Variants in PCDH7 observed in about 807,000 individuals in gnomAD.
PCDH7 encodes the protein protocadherin-7.
In PCDH7, 17 loss-of-function variants were observed where a neutral mutation model predicts 58.9. The observed-to-expected ratio is 0.29, with a 90% CI of 0.20 to 0.43. The LOEUF (loss-of-function observed/expected upper bound fraction) is 0.43, where lower values mean the gene tolerates loss of function less well. PCDH7 is among the 20% of genes least tolerant of loss of function. The pLI, the probability that PCDH7 is intolerant of heterozygous loss-of-function variation, is 1.00. For synonymous variants in PCDH7, 664 were observed against 616.4 expected (o/e 1.08, Z -1.14); for missense variants, 1,274 against 1,441.0 (o/e 0.88, Z 1.88).
chr4:30,780,592 T>C (rs1164597800), intron 1 of PCDH7, among the ~76,000 whole-genome samples: 4 of 151,876 alleles, frequency 2.6e-5, no homozygotes, highest in Non-Finnish European at 4.4e-5. Flanking sequence ...AAGAGAAAGA[T>C]GATTTAACAT....
chr4:31,025,918 TA>T (rs1560584764), intron 3 of PCDH7, among the ~76,000 whole-genome samples: 1 of 152,336 alleles, frequency 6.6e-6, no homozygotes, highest in South Asian at 2.1e-4. Context: ...ACATACAGAC[TA>T]AAAAAGTAAC....
At chr4:31,048,263 T>C (rs1433568674) in intron 3 of PCDH7, among the ~76,000 whole-genome samples, 1 of 152,084 alleles carries the variant, frequency 6.6e-6, no homozygotes, top group Non-Finnish European at 1.5e-5. Flanking sequence ...GAGATGTTTC[T>C]GGATTTCTTT....
intron 3 of PCDH7, among the ~76,000 whole-genome samples, chr4:31,118,426 C>G (rs995269868): frequency 6.6e-6 from 1 of 151,984 alleles, no homozygotes; most frequent in Non-Finnish European, 1.5e-5. Flanking sequence ...AAAATATATG[C>G]CTCTGCCTAG....
intron 3 of PCDH7, among the ~76,000 whole-genome samples, chr4:31,011,782 A>C (rs1035594093): frequency 6.6e-6 from 1 of 152,084 alleles, no homozygotes; most frequent in South Asian, 2.1e-4. Context: ...GTTTGGGGCT[A>C]TACTAAAGGA....
intron 3 of PCDH7, among the ~76,000 whole-genome samples, chr4:31,129,230 A>G (rs1435442089): frequency 1.3e-5 from 2 of 152,330 alleles, no homozygotes; most frequent in African/African-American, 4.8e-5. Context: ...AGTGCCAGAC[A>G]TTAAGTGCTA....
chr4:30,908,098 C>A (rs4586889), intron 1 of PCDH7, among the ~76,000 whole-genome samples: 4,891 of 151,856 alleles, frequency 0.032, 108 homozygotes, highest in Middle Eastern at 0.065. Flanking sequence ...AGGGCCGGTT[C>A]GGGGGTGAGG....
intron 1 of PCDH7, among the ~76,000 whole-genome samples, chr4:30,758,671 G>A (rs1243147016): frequency 1.8e-4 from 27 of 152,138 alleles, no homozygotes; most frequent in African/African-American, 4.8e-5. Flanking sequence ...TGCCTGCATC[G>A]GTGGACAGGA....
intron 1 of PCDH7, among the ~76,000 whole-genome samples, chr4:30,787,412 C>T (rs977919822): frequency 6.6e-6 from 1 of 151,988 alleles, no homozygotes; most frequent in African/African-American, 2.4e-5. Flanking sequence ...AAGTGAGAAT[C>T]TAGTGAACGT....
At chr4:30,837,915 A>G (rs1730711129) in intron 1 of PCDH7, among the ~76,000 whole-genome samples, 3 of 148,714 alleles carry the variant, frequency 2.0e-5, no homozygotes, top group Non-Finnish European at 1.5e-5. Context: ...ATATATATAT[A>G]TAACATTATT....
At chr4:30,810,534 C>G (rs1726846296) in intron 1 of PCDH7, among the ~76,000 whole-genome samples, 1 of 150,484 alleles carries the variant, frequency 6.6e-6, no homozygotes, top group Non-Finnish European at 1.5e-5. Flanking sequence ...ATGATGAAAA[C>G]TCTTGTAAAT....
chr4:30,913,469 ACT>A (rs1471751596), intron 1 of PCDH7, among the ~76,000 whole-genome samples: 8 of 151,722 alleles, frequency 5.3e-5, no homozygotes, highest in Admixed American at 1.3e-4. Flanking sequence ...CTTTCCTTGA[ACT>A]CTCTGTGTGG....
intron 3 of PCDH7, among the ~76,000 whole-genome samples, chr4:31,014,469 G>C (rs1046032618): frequency 3.2e-4 from 48 of 152,266 alleles, no homozygotes; most frequent in African/African-American, 1.1e-3. Flanking sequence ...GATGACAAAA[G>C]AAGAGAAGTG....
rs1260649368 is a variant in PCDH7, at chr4:30,837,467, T to TA, written c.71-82674dup. On this transcript the variant is annotated intron_variant, in intron 1 of 3. Transcript: ENST00000509759. ...TTTATCTAGGAGAGTGTTGTGTCAT[T>TA]AAAAAAAAAAAATGGCATACTGTGA... Among the ~76,000 whole-genome samples, 1,374 of 140,526 alleles carry TA rather than the reference T, an allele frequency of 9.8e-3. 9 individuals are homozygous for TA. The highest frequency in any genetic ancestry group is 0.027 in the African/African-American group (1,018 of 38,408). 92.2% of individuals were successfully genotyped at this position (140,526 alleles called of 152,430 possible). A position where few individuals can be genotyped will look rare whatever the true frequency, so the allele number is the denominator to read the frequency against.
chr4:30,849,900 C>A (rs946813800), intron 1 of PCDH7, among the ~76,000 whole-genome samples: 1 of 152,086 alleles, frequency 6.6e-6, no homozygotes. Context: ...AGCTTCGGGT[C>A]AAAATTCTTC....
chr4:31,115,541 A>C (rs531990842), intron 3 of PCDH7, among the ~76,000 whole-genome samples: 1 of 152,244 alleles, frequency 6.6e-6, no homozygotes, highest in East Asian at 1.9e-4. Context: ...TTTCTCACGT[A>C]TGTATATTGT....
chr4:30,745,378 C>T (rs984942759), intron 1 of PCDH7, among the ~76,000 whole-genome samples: 11 of 151,702 alleles, frequency 7.3e-5, no homozygotes, highest in African/African-American at 1.5e-4. Flanking sequence ...CTAGTGCTCT[C>T]CTTTTCACTG....
intron 1 of PCDH7, among the ~76,000 whole-genome samples, chr4:30,801,991 C>G (rs1277229203): frequency 6.6e-6 from 1 of 152,172 alleles, no homozygotes; most frequent in Non-Finnish European, 1.5e-5. Flanking sequence ...TCCTACCAGG[C>G]TAAATTCCGT....
At chr4:30,750,659 T>C (rs1056712665) in intron 1 of PCDH7, among the ~76,000 whole-genome samples, 1 of 152,206 alleles carries the variant, frequency 6.6e-6, no homozygotes, top group Non-Finnish European at 1.5e-5. Flanking sequence ...TGCCACTTTC[T>C]ACTGTATGCC....
chr4:31,112,188 C>T (rs1259290663), intron 3 of PCDH7, among the ~76,000 whole-genome samples: 1 of 152,132 alleles, frequency 6.6e-6, no homozygotes, highest in East Asian at 1.9e-4. Flanking sequence ...AACCTTCTTT[C>T]AGTTGATAAC....
Sources: allele counts gnomAD v4.1 joint callset (sites outside exome capture counted in the v4.1 genomes callset), GRCh38; gene constraint gnomAD v4.1.1; transcripts MANE v1.5; gene names NCBI Gene and HGNC (gene_info 2026-07-23, HGNC 2026-07-21).